MAP3K20: variants seen among roughly 807,000 people sequenced by gnomAD.
MAP3K20 encodes mitogen-activated protein kinase kinase kinase 20, also known as HCCS-4.
A neutral mutation model predicts 85.7 loss-of-function variants in MAP3K20; 40 were observed. The observed-to-expected ratio is 0.47, with a 90% CI of 0.36 to 0.61. MAP3K20 has a LOEUF of 0.61. Ranked by LOEUF, MAP3K20 falls within the 20% of genes least tolerant of loss-of-function variation. MAP3K20 has a pLI of 0.00. For synonymous variants in MAP3K20, 325 were observed against 327.7 expected (o/e 0.99, Z 0.09); for missense variants, 817 against 961.7 (o/e 0.85, Z 1.99).
At chr2:173,105,484 A>G (rs962321875) in intron 2 of MAP3K20, among the ~76,000 whole-genome samples, 3 of 152,226 alleles carry the variant, frequency 2.0e-5, no homozygotes, top group African/African-American at 4.8e-5. Context: ...CCACCTAAAT[A>G]CCATTTACAA....
chr2:173,110,340 ACCT>A (rs1362994405), intron 2 of MAP3K20, among the ~76,000 whole-genome samples: 8 of 135,254 alleles, frequency 5.9e-5, no homozygotes, highest in African/African-American at 8.5e-5. Context: ...TGCAGCCCTG[ACCT>A]CCTGGGCTCA....
chr2:173,125,570 A>G (rs1437496265), intron 2 of MAP3K20, among the ~76,000 whole-genome samples: 1 of 152,140 alleles, frequency 6.6e-6, no homozygotes, highest in Non-Finnish European at 1.5e-5. Context: ...GTCAAACACT[A>G]AAAATGTCAG....
intron 2 of MAP3K20, among the ~76,000 whole-genome samples, chr2:173,147,480 G>A (rs1689168636): frequency 6.6e-6 from 1 of 152,166 alleles, no homozygotes; most frequent in South Asian, 2.1e-4. Context: ...ATGAAATTTT[G>A]GGGGTGCATA....
intron 2 of MAP3K20, among the ~76,000 whole-genome samples, chr2:173,136,809 T>C (rs1453096183): frequency 6.6e-6 from 1 of 152,224 alleles, no homozygotes; most frequent in African/African-American, 2.4e-5. Flanking sequence ...CCTTGCACTT[T>C]AGAAGTTTGC....
chr2:173,138,683 C>T (rs983862270), intron 2 of MAP3K20, among the ~76,000 whole-genome samples: 5 of 152,228 alleles, frequency 3.3e-5, no homozygotes, highest in African/African-American at 1.2e-4. Context: ...GGAGCTCTTA[C>T]ACCCTGTTAG....
At chr2:173,265,882 T>A (rs923462156) in intron 19 of MAP3K20, among the ~76,000 whole-genome samples, 168 bp from the exon 20 acceptor site, 1 of 152,216 alleles carries the variant, frequency 6.6e-6, no homozygotes, top group Non-Finnish European at 1.5e-5. Flanking sequence ...CCTTATTTTT[T>A]AAAGTATTTG....
intron 2 of MAP3K20, among the ~76,000 whole-genome samples, chr2:173,163,108 T>A (rs544772930): frequency 6.6e-5 from 10 of 152,358 alleles, no homozygotes; most frequent in African/African-American, 2.4e-4. Flanking sequence ...ATAAATGGAA[T>A]ACAAAAGGTG....
At chr2:173,192,014 G>C (rs1011547126) in intron 7 of MAP3K20, among the ~76,000 whole-genome samples, 1 of 152,130 alleles carries the variant, frequency 6.6e-6, no homozygotes, top group South Asian at 2.1e-4. Flanking sequence ...AAAATGTTAC[G>C]TATTCTTTAA....
At chr2:173,124,459 G>A (rs1688384805) in intron 2 of MAP3K20, among the ~76,000 whole-genome samples, 1 of 152,162 alleles carries the variant, frequency 6.6e-6, no homozygotes, top group Non-Finnish European at 1.5e-5. Context: ...GCTGCAAATG[G>A]ATGATGGGGC....
intron 18 of MAP3K20, among the ~76,000 whole-genome samples, chr2:173,263,092 A>G (rs4972540): frequency 0.086 from 13,038 of 152,234 alleles, 693 homozygotes; most frequent in South Asian, 0.17. Context: ...AGACTCTTTA[A>G]TTGACACTGA....
At chr2:173,076,866 A>G (rs975772911) in intron 1 of MAP3K20, among the ~76,000 whole-genome samples, 8 of 152,224 alleles carry the variant, frequency 5.3e-5, no homozygotes, top group African/African-American at 7.2e-5. Context: ...TCGCTTGCCC[A>G]TGACAGCTTT....
At position 173,171,153 on chromosome 2, in the gene MAP3K20, T is replaced by C. The variant is rs559170092; in HGVS notation, c.247+1261T>C. ...TGTGAATACCCAAGAATGGGTTATA[T>C]TGTTGGTTGAGGGGGAACCATACCT... On this transcript the variant is annotated intron_variant, in intron 3 of 19. Coordinates refer to ENST00000375213, the MANE Select transcript of MAP3K20 (RefSeq NM_016653.3). Among the ~76,000 whole-genome samples the C allele has an allele frequency of 1.1e-4, 17 of 152,338 alleles. No homozygotes were observed. In the South Asian group the frequency reaches 3.3e-3, roughly 30 times the overall value.
At chr2:173,113,856 T>C (rs1048682579) in intron 2 of MAP3K20, among the ~76,000 whole-genome samples, 4 of 152,084 alleles carry the variant, frequency 2.6e-5, no homozygotes, top group African/African-American at 9.7e-5. Flanking sequence ...ATAAAATGTG[T>C]ATTTTGGGGC....
intron 2 of MAP3K20, among the ~76,000 whole-genome samples, chr2:173,134,006 A>G (rs796332907): frequency 8.3e-5 from 12 of 144,204 alleles, no homozygotes; most frequent in African/African-American, 2.7e-4. Context: ...ACAAAAAACA[A>G]AAAACAAAAA....
chr2:173,175,439 A>G (rs1352375251), intron 3 of MAP3K20, among the ~76,000 whole-genome samples: 1 of 152,190 alleles, frequency 6.6e-6, no homozygotes, highest in Admixed American at 6.5e-5. Flanking sequence ...GTCCTTATGA[A>G]TAATGAGGGC....
chr2:173,264,034 A>T, intron 19 of MAP3K20, 139 bp downstream of exon 19: 1 of 1,216,808 alleles, frequency 8.2e-7, no homozygotes, highest in South Asian at 1.7e-5. Flanking sequence ...CAGAAAACCC[A>T]GTTGCAACTG....
rs150154377 is a variant in MAP3K20 at position 173,264,459 on chromosome 2, C to T, written c.1702+564C>T. Among the ~76,000 whole-genome samples the T allele has an allele frequency of 1.9e-3, 282 of 152,274 alleles. 3 individuals are homozygous for T. The highest frequency in any genetic ancestry group is 6.4e-3 in the African/African-American group (265 of 41,566). ...ATATCACAACGCCCAGAGGAAATAA[C>T]GGGTTAGGTCCCTACCTGTTCTTAT... On this transcript the variant is annotated intron_variant, in intron 19 of 19. Coordinates refer to ENST00000375213, the MANE Select transcript of MAP3K20 (RefSeq NM_016653.3).
intron 11 of MAP3K20, chr2:173,221,207 G>A (rs1245441539): frequency 4.0e-5 from 64 of 1,588,312 alleles, no homozygotes; most frequent in Non-Finnish European, 5.3e-5. Flanking sequence ...ATCTAAAACA[G>A]AGGAGTCAAA....
intron 16 of MAP3K20, among the ~76,000 whole-genome samples, chr2:173,241,779 C>T (rs1337132815): frequency 1.3e-5 from 2 of 152,138 alleles, no homozygotes; most frequent in African/African-American, 2.4e-5. Flanking sequence ...AAAATCTTTA[C>T]CTCCCTTGTT....
Sources: allele counts gnomAD v4.1 joint callset (sites outside exome capture counted in the v4.1 genomes callset), GRCh38; gene constraint gnomAD v4.1.1; transcripts MANE v1.5; gene names NCBI Gene and HGNC (gene_info 2026-07-23, HGNC 2026-07-21).